LUZP2: variants seen among roughly 807,000 people sequenced by gnomAD.
The protein encoded by LUZP2 is leucine zipper protein 2.
In LUZP2, 52 loss-of-function variants were observed where a neutral mutation model predicts 51.6. The ratio of observed to expected loss-of-function variants is 1.01; its 90% CI spans 0.81 to 1.27. The LOEUF is 1.27. Among genes scored for constraint, LUZP2 ranks in the 50% most tolerant of loss-of-function variants. The pLI is 0.00. For synonymous variants in LUZP2, 154 were observed against 137.3 expected, an observed-to-expected ratio of 1.12 and a Z score of -0.85; for missense variants, 436 against 395.4, an observed-to-expected ratio of 1.10 and a Z score of -0.87.
intron 1 of LUZP2, among the ~76,000 whole-genome samples, chr11:24,697,096 CTT>C (rs1240645429): frequency 6.6e-6 from 1 of 152,104 alleles, no homozygotes; most frequent in East Asian, 1.9e-4. Context: ...AAGGAAAAGA[CTT>C]TGGATTTTCT....
intron 5 of LUZP2, among the ~76,000 whole-genome samples, chr11:24,799,587 T>TC (rs1224801624): frequency 2.6e-4 from 20 of 76,252 alleles, no homozygotes; most frequent in Non-Finnish European, 4.9e-4. Flanking sequence ...CAAGACTGTT[T>TC]CAAAAAAAAA....
chr11:24,588,732 C>T (rs1853158881), intron 1 of LUZP2, among the ~76,000 whole-genome samples: 1 of 151,918 alleles, frequency 6.6e-6, no homozygotes, highest in Admixed American at 6.6e-5. Flanking sequence ...CTAGGCCCTC[C>T]TTAATAACAA....
chr11:24,891,495 T>C (rs2133758756), intron 5 of LUZP2: 1 of 954,012 alleles, frequency 1.0e-6, no homozygotes, highest in East Asian at 1.2e-4. Context: ...GCTATATTAT[T>C]ATACTTTATG....
chr11:24,688,275 C>T (rs565993073), intron 1 of LUZP2, among the ~76,000 whole-genome samples: 3 of 152,226 alleles, frequency 2.0e-5, no homozygotes, highest in African/African-American at 4.8e-5. Context: ...CCATTGTGAT[C>T]GTCATCTTAC....
chr11:24,993,889 C>G (rs1313686757), intron 9 of LUZP2, among the ~76,000 whole-genome samples: 1 of 151,922 alleles, frequency 6.6e-6, no homozygotes, highest in African/African-American at 2.4e-5. Context: ...GGAATAGAGT[C>G]TCGCTCTGTT....
chr11:24,908,397 A>C (rs769983391), intron 6 of LUZP2, among the ~76,000 whole-genome samples: 4 of 152,172 alleles, frequency 2.6e-5, no homozygotes, highest in Non-Finnish European at 5.9e-5. Flanking sequence ...CTGAGCTAAA[A>C]TATCCTATCA....
chr11:24,641,914 A>G (rs1446307085), intron 1 of LUZP2, among the ~76,000 whole-genome samples: 1 of 151,866 alleles, frequency 6.6e-6, no homozygotes. Context: ...TTGTTTTTTG[A>G]GATTGAGTCT....
intron 10 of LUZP2, among the ~76,000 whole-genome samples, chr11:25,072,295 G>T (rs1859180960): frequency 6.6e-6 from 1 of 151,954 alleles, no homozygotes; most frequent in African/African-American, 2.4e-5. Context: ...TTCTCCACTA[G>T]AGTATAACCT....
intron 1 of LUZP2, among the ~76,000 whole-genome samples, chr11:24,568,024 G>A (rs1025673749): frequency 6.6e-6 from 1 of 152,142 alleles, no homozygotes; most frequent in Admixed American, 6.6e-5. Context: ...GGCACAGATT[G>A]TTGGACTGGA....
intron 1 of LUZP2, among the ~76,000 whole-genome samples, chr11:24,579,831 A>G (rs1852787901): frequency 6.6e-6 from 1 of 152,142 alleles, no homozygotes; most frequent in South Asian, 2.1e-4. Context: ...AACTGATGAC[A>G]TATTTTATAC....
intron 5 of LUZP2, among the ~76,000 whole-genome samples, chr11:24,792,931 C>T (rs559647526): frequency 1.1e-4 from 16 of 152,206 alleles, no homozygotes; most frequent in African/African-American, 3.9e-4. Flanking sequence ...ATTCCTTTTC[C>T]CCCATTTTCT....
intron 5 of LUZP2, among the ~76,000 whole-genome samples, chr11:24,777,425 C>A (rs549931448): frequency 1.2e-4 from 18 of 152,046 alleles, no homozygotes; most frequent in Non-Finnish European, 2.6e-4. Flanking sequence ...AGAAAGAATG[C>A]TGCTTTCATG....
intron 9 of LUZP2, among the ~76,000 whole-genome samples, chr11:25,010,994 G>C (rs6484093): frequency 0.97 from 147,118 of 152,286 alleles, 71,254 homozygotes; most frequent in East Asian, 1. Context: ...TCAATTGAGC[G>C]TATCTTTCCA....
intron 1 of LUZP2, among the ~76,000 whole-genome samples, chr11:24,664,629 T>C (rs550172317): frequency 3.3e-5 from 5 of 152,270 alleles, no homozygotes; most frequent in African/African-American, 1.2e-4. Flanking sequence ...CCTCTGGACA[T>C]GGTGCCCTGA....
At chr11:24,875,042 G>A (rs1319928349) in intron 5 of LUZP2, among the ~76,000 whole-genome samples, 1 of 152,084 alleles carries the variant, frequency 6.6e-6, no homozygotes, top group Non-Finnish European at 1.5e-5. Flanking sequence ...AAACAGAGGA[G>A]ACGCTAGCCC....
At chr11:24,579,005 AT>A (rs1307419323) in intron 1 of LUZP2, among the ~76,000 whole-genome samples, 1 of 152,076 alleles carries the variant, frequency 6.6e-6, no homozygotes, top group African/African-American at 2.4e-5. Context: ...TATAGAAAAA[AT>A]TTTCATTTTC....
chr11:24,830,099 T>C (rs547140589), intron 5 of LUZP2, among the ~76,000 whole-genome samples: 31 of 58,532 alleles, frequency 5.3e-4, no homozygotes, highest in Non-Finnish European at 1.2e-3. Flanking sequence ...GAAATACAAA[T>C]TTTGTCAGAG....
At chr11:24,844,980 G>C (rs147031951) in intron 5 of LUZP2, among the ~76,000 whole-genome samples, 1,994 of 69,666 alleles carry the variant, frequency 0.029, 19 homozygotes, top group Middle Eastern at 0.1. Context: ...TGAGGAAGGG[G>C]AATGTGGGGC....
chr11:24,714,547 AAATGC>A (rs1857963111), intron 1 of LUZP2, among the ~76,000 whole-genome samples: 1 of 152,122 alleles, frequency 6.6e-6, no homozygotes, highest in African/African-American at 2.4e-5. Context: ...TTGTTTTCTG[AAATGC>A]TTTCAGAAAA....
Sources: allele counts gnomAD v4.1 joint callset (sites outside exome capture counted in the v4.1 genomes callset), GRCh38; gene constraint gnomAD v4.1.1; transcripts MANE v1.5; gene names NCBI Gene and HGNC (gene_info 2026-07-23, HGNC 2026-07-21).